The following DDX5 variants were observed in gnomAD, a reference collection of about 807,000 sequenced individuals.
DDX5 encodes the protein probable ATP-dependent RNA helicase DDX5.
In DDX5, 6 loss-of-function variants were observed where a neutral mutation model predicts 68.6. The observed-to-expected ratio is 0.09, with a 90% CI of 0.05 to 0.17. The LOEUF (loss-of-function observed/expected upper bound fraction) is 0.17, where lower values mean the gene tolerates loss of function less well. Among genes scored for constraint, DDX5 ranks in the 10% least tolerant of loss-of-function variants. The pLI is 1.00. For synonymous variants in DDX5, 350 were observed against 247.0 expected (o/e 1.42, Z -3.91); for missense variants, 499 against 756.1 (o/e 0.66, Z 3.99).
chr17:64,506,835 C>T, upstream of DDX5: 3 of 599,744 alleles, frequency 5.0e-6, no homozygotes, highest in South Asian at 3.8e-5. Flanking sequence ...TCTGATAATC[C>T]TTTGACGGGT....
intron 11 of DDX5, chr17:64,501,549 G>A: frequency 6.0e-6 from 1 of 166,834 alleles, no homozygotes; most frequent in Non-Finnish European, 1.3e-5. Context: ...ATTGAACATT[G>A]AAGTTTGGAA....
At position 64,506,142 on chromosome 17, in the gene DDX5, G is replaced by A. The variant is rs782450509; in HGVS notation, c.-23C>T. The A allele has an allele frequency of 1.7e-5, 27 of 1,608,852 alleles. No homozygotes were observed. The highest frequency in any genetic ancestry group is 2.2e-5 in the East Asian group (1 of 44,744). ...CATGGCGTCAATGGTTGCGGTTGGC[G>A]GGGAACGAAGTATATAGAAAAGCGT... is the stretch of plus-strand genomic sequence containing the variant. On this transcript the variant is annotated 5_prime_UTR_variant, in exon 1 of 13. Transcript: ENST00000225792.
In DDX5 at chr17:64,500,209, C is replaced by G. The variant is rs1555670782; in HGVS notation, c.1559G>C (p.Ser520Thr). 1.9e-6 allele frequency: 3 copies of G among 1,614,140 alleles called. No homozygotes were observed. The highest frequency in any genetic ancestry group is 1.7e-5 in the Admixed American group (1 of 60,020). Residue 520 changes from serine to threonine, a missense_variant, in exon 13 of 13, where the codon AGC becomes ACC. This residue lies in a region of DDX5 where 171 missense variants were observed against 174.8 expected (regional missense o/e 0.98). Coordinates refer to ENST00000225792, the MANE Select transcript of DDX5 (RefSeq NM_004396.5). ...DRENYDRGYS[S>T]LLKRDFGAKT... ...TGCCCCAAAATCTCTTTTAAGCAGG[C>G]TAGAGTAACCTCTGTCATAATTTTC...
Position 64,504,835 on chromosome 17 carries a change from C to G in DDX5, c.52G>C (p.Ala18Pro), listed in dbSNP as rs375435949. The change falls in exon 2 of 13, where the codon GCA becomes CCA. Residue 18 changes from alanine (A) to proline (P), a missense_variant. Ala to Pro is a conservative substitution (Grantham distance 27, BLOSUM62 -1). Transcript: ENST00000225792. ...GCCCTACTTCCTCCAAATCGAGGTGCACCAAACCTGGAATGAAAAAAAACG... is the reference window on the plus strand; with the variant it reads ...GCCCTACTTCCTCCAAATCGAGGTGGACCAAACCTGGAATGAAAAAAAACG... ...RDRGRDRGFG[A>P]PRFGGSRAGP... The G allele has an allele frequency of 1.0e-5, 16 of 1,596,882 alleles. No individual in the cohort carries two copies. The highest frequency in any genetic ancestry group is 1.2e-5 in the Non-Finnish European group (14 of 1,175,490).
chr17:64,502,714 G>A (rs2038329903), intron 8 of DDX5, 165 bp from the exon 9 acceptor site: 2 of 714,590 alleles, frequency 2.8e-6, no homozygotes, highest in East Asian at 2.7e-5. Flanking sequence ...TGGTCCTTAA[G>A]TCAACCAGGG....
rs1568098285 is a variant in DDX5, at chr17:64,499,459, G to C, written c.*464C>G. Among the ~76,000 whole-genome samples, 1 of 150,962 alleles carries C rather than the reference G, an allele frequency of 6.6e-6. No homozygotes were observed. Among genetic ancestry groups the C allele is most frequent in the Non-Finnish European group, 1.5e-5 (1 of 67,848 alleles). On this transcript the variant is annotated 3_prime_UTR_variant, in exon 13 of 13. Transcript: ENST00000225792. Reference sequence around the variant, plus strand: ...TGCAATATGAATAGCTCATTATAAAGAAGGGCCTTCTGATTCCCCCTGCCT... The same window carrying C: ...TGCAATATGAATAGCTCATTATAAACAAGGGCCTTCTGATTCCCCCTGCCT...
intron 5 of DDX5, 61 bp from the exon 6 acceptor site, chr17:64,503,632 A>C: frequency 1.3e-6 from 2 of 1,595,698 alleles, no homozygotes; most frequent in East Asian, 2.2e-5. Context: ...CTGCTAACTT[A>C]TTATACTAGC....
upstream of DDX5, chr17:64,506,427 C>A (rs9905185): frequency 0.031 from 42,964 of 1,366,416 alleles, 1,094 homozygotes; most frequent in African/African-American, 0.12. Flanking sequence ...CCAGGATCGC[C>A]GCGCTTTCAC....
Position 64,499,809 on chromosome 17 carries a change from T to C in DDX5, c.*114A>G, listed in dbSNP as rs2038249598. 1.0e-6 allele frequency: 1 copy of C among 966,110 alleles called. No homozygotes were observed. The highest frequency in any genetic ancestry group is 1.6e-5 in the African/African-American group (1 of 61,002). The allele number at this position is 966,110 out of a possible 1,614,324, so 59.8% of individuals were successfully genotyped here. Reference sequence around the variant, plus strand: ...CGAAAAAGTGCACCATAATTACTGCTGCACTGCAGTCATTTCTGCAATTCC... The same window carrying C: ...CGAAAAAGTGCACCATAATTACTGCCGCACTGCAGTCATTTCTGCAATTCC... On this transcript the variant is annotated 3_prime_UTR_variant, in exon 13 of 13. Transcript: ENST00000225792.
Position 64,498,587 on chromosome 17 carries a change from C to G in DDX5, c.*1336G>C, listed in dbSNP as rs1307686798. ...AAGTCCTAGAAATATCACTCCCTAT[C>G]CCAGCCCTAGCAAATTCTAACTTTA... On this transcript the variant is annotated 3_prime_UTR_variant, in exon 13 of 13. Transcript: ENST00000225792. 6.6e-6 allele frequency among the ~76,000 whole-genome samples: 1 copy of G among 152,198 alleles called. No homozygotes were observed. The highest frequency in any genetic ancestry group is 1.5e-5 in the Non-Finnish European group (1 of 68,040).
chr17:64,498,414 T>C lies in DDX5; in HGVS notation c.*1509A>G, dbSNP rs1257992525. On this transcript the variant is annotated 3_prime_UTR_variant, in exon 13 of 13. Coordinates refer to ENST00000225792, the MANE Select transcript of DDX5 (RefSeq NM_004396.5). The stretch of plus-strand genomic sequence containing the variant: ...GTTTACAAATTAAAAGGCCCACGGT[T>C]AAGACATTAAACAGTAAAATATGTA... Among the ~76,000 whole-genome samples, 1 of 152,230 alleles carries C rather than the reference T, an allele frequency of 6.6e-6. No individual in the cohort carries two copies. The highest frequency in any genetic ancestry group is 1.5e-5 in the Non-Finnish European group (1 of 68,040).
In DDX5 at chr17:64,500,567, C is replaced by T. The variant is rs1555670896; in HGVS notation, c.1423G>A (p.Val475Ile). The T allele has an allele frequency of 6.2e-7, 1 of 1,613,924 alleles. No homozygotes were observed. Among genetic ancestry groups the T allele is most frequent in the Admixed American group, 1.7e-5 (1 of 60,000 alleles). Residue 475 changes from valine to isoleucine, a missense_variant, in exon 12 of 13, where the codon GTC becomes ATC. Physicochemically the swap from Val to Ile is conservative, Grantham distance 29 (BLOSUM62 3). This residue lies in a region of DDX5 where 21 missense variants were observed against 37.6 expected (regional missense o/e 0.56). Transcript: ENST00000225792. ...TCCTTACCTGAACCTCTGTCTTCGA[C>T]CAACTGAAGCAACTTGGGATTAATT... Reference protein sequence around the residue: ...QAINPKLLQLVEDRGSGRSRG... With the variant: ...QAINPKLLQLIEDRGSGRSRG...
rs1297334693 is a variant in DDX5 at position 64,499,007 on chromosome 17, C to CA, written c.*915dup. On this transcript the variant is annotated 3_prime_UTR_variant, in exon 13 of 13. Transcript: ENST00000225792. ...TTATTGGAAAGACATTCATGACTCC[C>CA]AGTGTGACTAGTTAAGAGCCCCAGG... 6.6e-6 allele frequency among the ~76,000 whole-genome samples: 1 copy of CA among 152,182 alleles called. No homozygotes were observed. The highest frequency in any genetic ancestry group is 2.4e-5 in the African/African-American group (1 of 41,428).
chr17:64,505,620 C>G (rs1041093511), intron 1 of DDX5: 79 of 1,038,332 alleles, frequency 7.6e-5, no homozygotes, highest in Non-Finnish European at 1.1e-4. Context: ...ATTTTGTACT[C>G]GCGACTCAGC....
rs200418138 is a variant in DDX5, at chr17:64,503,386, G to A, written c.650-38C>T. 4.0e-5 allele frequency: 64 copies of A among 1,613,866 alleles called. No individual in the cohort carries two copies. The Middle Eastern group carries it at 4.9e-4, about 12-fold the overall frequency. ...ACGTAAGTGTAACTACAATACCTAG[G>A]ATATTTAGCACCAATGACAAATAAA... On this transcript the variant is annotated intron_variant, in intron 6 of 12. Transcript: ENST00000225792.
At chr17:64,503,398 C>T (rs782492309) in intron 6 of DDX5, 32 bp downstream of exon 6, 1 of 1,613,884 alleles carries the variant, frequency 6.2e-7, no homozygotes, top group Non-Finnish European at 8.5e-7. Flanking sequence ...TATTTAGCAC[C>T]AATGACAAAT....
At chr17:64,506,031 C>T in intron 1 of DDX5, 45 bp downstream of exon 1, 1 of 1,381,852 alleles carries the variant, frequency 7.2e-7, no homozygotes, top group Non-Finnish European at 9.8e-7. Flanking sequence ...CCCGCCCTCC[C>T]ATCCCCCCAC....
chr17:64,505,893 C>T (rs2075549), intron 1 of DDX5, 183 bp downstream of exon 1: 62,199 of 1,535,514 alleles, frequency 0.041, 1,701 homozygotes, highest in Admixed American at 0.14. Flanking sequence ...AGACACTACA[C>T]CGTCAAATCT....
At chr17:64,506,416 T>C, upstream of DDX5, 3 of 1,384,242 alleles carry the variant, frequency 2.2e-6, no homozygotes, top group South Asian at 4.5e-5. Flanking sequence ...CCGCTGGCGT[T>C]CCAGGATCGC....
Sources: allele counts gnomAD v4.1 joint callset (sites outside exome capture counted in the v4.1 genomes callset), GRCh38; gene constraint gnomAD v4.1.1; regional missense constraint gnomAD v4.1.1; transcripts MANE v1.5; gene names NCBI Gene and HGNC (gene_info 2026-07-23, HGNC 2026-07-21).